Variants in CR1L observed in about 807,000 individuals in gnomAD.
CR1L encodes complement C3b/C4b receptor 1 like.
In CR1L, 59 loss-of-function variants were observed where a neutral mutation model predicts 62.3. That is an observed-to-expected ratio of 0.95 (90% CI 0.77 to 1.18). The LOEUF is 1.18. CR1L is among the 50% of genes most tolerant of loss of function. The pLI, the probability that CR1L is intolerant of heterozygous loss-of-function variation, is 0.00. For synonymous variants in CR1L, 279 were observed against 248.7 expected, an observed-to-expected ratio of 1.12 and a Z score of -1.15; for missense variants, 700 against 702.8, an observed-to-expected ratio of 1.00 and a Z score of 0.04.
At chr1:207,719,907 T>TTACTAC (rs1654092892) in intron 11 of CR1L, among the ~76,000 whole-genome samples, 3 of 152,200 alleles carry the variant, frequency 2.0e-5, no homozygotes, top group African/African-American at 7.2e-5. Flanking sequence ...TCTACTTATC[T>TTACTAC]GTAGAGACTG....
At chr1:207,696,098 C>A (rs190347235) in intron 5 of CR1L, among the ~76,000 whole-genome samples, 1 of 152,244 alleles carries the variant, frequency 6.6e-6, no homozygotes, top group African/African-American at 2.4e-5. Context: ...GATCAGGGAG[C>A]TGCTGTGGCT....
At position 207,669,480 on chromosome 1, in the gene CR1L, T is replaced by C. The variant is rs1181771681; in HGVS notation, c.98-7909T>C. ...CTTCTCCGAGAAGCCGGGAGCCTGT[T>C]GGGCAGCCGGCGCCCGGTCTCCCCT... is the stretch of plus-strand genomic sequence containing the variant. On this transcript the variant is annotated intron_variant, in intron 1 of 11. Transcript: ENST00000508064. The C allele has an allele frequency of 5.7e-6, 9 of 1,565,672 alleles. 1 individual carries two copies. In the African/African-American group the frequency reaches 8.4e-5, roughly 15 times the overall value.
At chr1:207,679,075 C>G (rs560864598) in intron 3 of CR1L, among the ~76,000 whole-genome samples, 106 of 149,310 alleles carry the variant, frequency 7.1e-4, no homozygotes, top group Admixed American at 2.0e-3. Flanking sequence ...CGGCTCACTG[C>G]AAGCTCCACC....
At chr1:207,720,630 A>G (rs1206078020) in intron 11 of CR1L, among the ~76,000 whole-genome samples, 2 of 152,200 alleles carry the variant, frequency 1.3e-5, no homozygotes, top group African/African-American at 4.8e-5. Flanking sequence ...TCCTCAGAGC[A>G]AGGGGTAATT....
At chr1:207,659,794 T>C (rs1308539597) in intron 1 of CR1L, among the ~76,000 whole-genome samples, 1 of 152,224 alleles carries the variant, frequency 6.6e-6, no homozygotes, top group Non-Finnish European at 1.5e-5. Flanking sequence ...AGTACACTCC[T>C]GCCCAAATAC....
intron 4 of CR1L, among the ~76,000 whole-genome samples, chr1:207,686,084 CT>C: frequency 1.3e-5 from 1 of 77,676 alleles, no homozygotes; most frequent in African/African-American, 4.9e-5. Context: ...TTCTCCCTCC[CT>C]TCCTCCCTCC....
intron 11 of CR1L, among the ~76,000 whole-genome samples, chr1:207,718,102 T>C (rs549140805): frequency 6.6e-6 from 1 of 152,394 alleles, no homozygotes; most frequent in South Asian, 2.1e-4. Flanking sequence ...ACTTCAGAAC[T>C]GATAACGCTA....
At chr1:207,663,308 C>T (rs904194792) in intron 1 of CR1L, among the ~76,000 whole-genome samples, 10 of 152,190 alleles carry the variant, frequency 6.6e-5, no homozygotes, top group African/African-American at 9.7e-5. Flanking sequence ...TCGAGCTTCC[C>T]GCAGCTTTGT....
At chr1:207,710,785 G>A (rs1664344318) in intron 10 of CR1L, 1 of 1,596,626 alleles carries the variant, frequency 6.3e-7, no homozygotes, top group Non-Finnish European at 8.6e-7. Context: ...TGCTCCAGGG[G>A]TGTGTTTGCC....
intron 11 of CR1L, among the ~76,000 whole-genome samples, chr1:207,722,527 G>A (rs557379669): frequency 1.3e-5 from 2 of 150,626 alleles, no homozygotes; most frequent in East Asian, 3.9e-4. Flanking sequence ...ATTTCTGAGG[G>A]CTCTGTTCTG....
intron 1 of CR1L, among the ~76,000 whole-genome samples, chr1:207,662,058 T>C (rs553221211): frequency 1.3e-5 from 2 of 152,234 alleles, no homozygotes; most frequent in Non-Finnish European, 2.9e-5. Context: ...ACCCGACCTT[T>C]CTCTCTGGCT....
chr1:207,688,177 G>A (rs1199976740), intron 4 of CR1L, among the ~76,000 whole-genome samples: 1 of 152,220 alleles, frequency 6.6e-6, no homozygotes, highest in Non-Finnish European at 1.5e-5. Flanking sequence ...TTGGGAGCCT[G>A]AGGTGGGAGG....
At chr1:207,705,078 T>C (rs1201058377) in intron 9 of CR1L, among the ~76,000 whole-genome samples, 1 of 152,186 alleles carries the variant, frequency 6.6e-6, no homozygotes, top group Non-Finnish European at 1.5e-5. Flanking sequence ...AGGCCTTCCT[T>C]GGAGTGTGGC....
chr1:207,650,249 G>A (rs140084530), intron 1 of CR1L, among the ~76,000 whole-genome samples: 20 of 152,252 alleles, frequency 1.3e-4, no homozygotes, highest in Non-Finnish European at 2.6e-4. Context: ...CCTGCAGAAT[G>A]GAATCACAGG....
chr1:207,684,325 C>A (rs1663860963), intron 4 of CR1L, among the ~76,000 whole-genome samples: 1 of 128,076 alleles, frequency 7.8e-6, no homozygotes, highest in Non-Finnish European at 1.7e-5. Context: ...TGTGGAAGAA[C>A]CTGGACTCTC....
chr1:207,656,492 G>A (rs1663312367), intron 1 of CR1L, among the ~76,000 whole-genome samples: 2 of 152,108 alleles, frequency 1.3e-5, no homozygotes, highest in Admixed American at 1.3e-4. Flanking sequence ...TTTTCGTATT[G>A]CTATAAAGAA....
intron 1 of CR1L, among the ~76,000 whole-genome samples, chr1:207,673,700 A>G (rs1663647674): frequency 6.6e-6 from 1 of 152,268 alleles, no homozygotes; most frequent in Admixed American, 6.5e-5. Flanking sequence ...AGCTGGAATT[A>G]TAATATACTG....
At chr1:207,716,242 TGGTAGTTAAATAG>T (rs1012687986) in intron 10 of CR1L, among the ~76,000 whole-genome samples, 1 of 152,092 alleles carries the variant, frequency 6.6e-6, no homozygotes, top group African/African-American at 2.4e-5. Flanking sequence ...ATATATAAAA[TGGTAGTTAAATAG>T]GGATGTTATG....
At chr1:207,700,864 G>T (rs1372473513) in intron 8 of CR1L, among the ~76,000 whole-genome samples, 1 of 152,106 alleles carries the variant, frequency 6.6e-6, no homozygotes, top group East Asian at 1.9e-4. Context: ...CCTTCAAAAC[G>T]GTTATTTTTC....
Sources: gnomAD v4.1 joint callset for allele counts (sites outside exome capture counted in the v4.1 genomes callset) on GRCh38, gnomAD v4.1.1 for gene constraint, MANE v1.5 for transcripts, NCBI Gene and HGNC (gene_info 2026-07-23, HGNC 2026-07-21) for gene names.